MAGI3: variants seen among roughly 807,000 people sequenced by gnomAD.
MAGI3 encodes the protein membrane associated guanylate kinase, WW and PDZ domain containing 3.
In MAGI3, 43 loss-of-function variants were observed where a neutral mutation model predicts 121.8. The ratio of observed to expected loss-of-function variants is 0.35; its 90% CI spans 0.28 to 0.46. MAGI3 has a LOEUF of 0.46. Among genes scored for constraint, MAGI3 ranks in the 20% least tolerant of loss-of-function variants. The pLI, the probability that MAGI3 is intolerant of heterozygous loss-of-function variation, is 1.00. For synonymous variants in MAGI3, 553 were observed against 639.3 expected (o/e 0.86, Z 2.04); for missense variants, 1,547 against 1,797.3 (o/e 0.86, Z 2.52).
At position 113,653,788 on chromosome 1, in the gene MAGI3, A is replaced by G. The variant is rs1025451052; in HGVS notation, c.2441-42A>G. The G allele has an allele frequency of 3.4e-6, 5 of 1,464,322 alleles. No individual in the cohort carries two copies. The African/African-American group carries it at 5.8e-5, about 17-fold the overall frequency. The allele number at this position is 1,464,322 out of a possible 1,614,324, so 90.7% of individuals were successfully genotyped here. On this transcript the variant is annotated intron_variant, in intron 14 of 20. Transcript: ENST00000307546. ...AAAAACACTTTAGTCACCAGAAATT[A>G]TGATGTTCCAGACATATCAAAACTG... is the stretch of plus-strand genomic sequence containing the variant.
intron 1 of MAGI3, among the ~76,000 whole-genome samples, chr1:113,495,768 A>G (rs1220606227): frequency 6.6e-6 from 1 of 152,190 alleles, no homozygotes; most frequent in East Asian, 1.9e-4. Context: ...TATCCCCAGG[A>G]TCTTAGAGAC....
chr1:113,562,424 T>C (rs1660277541), intron 2 of MAGI3, among the ~76,000 whole-genome samples: 1 of 152,010 alleles, frequency 6.6e-6, no homozygotes, highest in African/African-American at 2.4e-5. Flanking sequence ...TCAGAGATGA[T>C]GACACAAACA....
At position 113,681,346 on chromosome 1, in the gene MAGI3, G is replaced by A; in HGVS notation, c.3328+10G>A. 1 of 1,611,328 alleles carries A rather than the reference G, an allele frequency of 6.2e-7. No individual in the cohort carries two copies. Among genetic ancestry groups the A allele is most frequent in the Non-Finnish European group, 8.5e-7 (1 of 1,179,160 alleles). ...TTGATACCTGACCATGGTAAGTAAA[G>A]TAGCCCACTAGTAGCTGAAAAGTTG... On this transcript the variant is annotated intron_variant, in intron 20 of 20. Coordinates refer to ENST00000307546, the MANE Select transcript of MAGI3 (RefSeq NM_001142782.2).
At chr1:113,475,623 G>T (rs1347256404) in intron 1 of MAGI3, among the ~76,000 whole-genome samples, 1 of 152,074 alleles carries the variant, frequency 6.6e-6, no homozygotes, top group Non-Finnish European at 1.5e-5. Flanking sequence ...GTGCTGCTGG[G>T]TTCAGTTTGT....
At chr1:113,532,977 T>C (rs557593397) in intron 1 of MAGI3, among the ~76,000 whole-genome samples, 1 of 152,328 alleles carries the variant, frequency 6.6e-6, no homozygotes, top group Admixed American at 6.5e-5. Context: ...TCCATTCATT[T>C]TGACCATGAA....
At chr1:113,546,033 A>G (rs1161906111) in intron 1 of MAGI3, among the ~76,000 whole-genome samples, 1 of 152,178 alleles carries the variant, frequency 6.6e-6, no homozygotes, top group East Asian at 1.9e-4. Flanking sequence ...GTAATCCCAC[A>G]GTCAGCTGCC....
chr1:113,671,612 G>A lies in MAGI3; in HGVS notation c.2816-122G>A. 8.4e-6 allele frequency: 7 copies of A among 829,140 alleles called. No homozygotes were observed. The South Asian group carries it at 1.0e-4, about 12-fold the overall frequency. 51.4% of individuals were successfully genotyped at this position (829,140 alleles called of 1,614,324 possible). A position where few individuals can be genotyped will look rare whatever the true frequency, so the allele number is the denominator to read the frequency against. ...GACAGCTGACAATAGTGCTGTTCAT[G>A]CTAAAGCCACTAAAGTCAGTACAGC... On this transcript the variant is annotated intron_variant, in intron 16 of 20. Coordinates refer to ENST00000307546, the MANE Select transcript of MAGI3 (RefSeq NM_001142782.2).
intron 1 of MAGI3, among the ~76,000 whole-genome samples, chr1:113,448,888 G>A (rs1051281046): frequency 3.9e-5 from 6 of 152,156 alleles, no homozygotes; most frequent in African/African-American, 1.2e-4. Flanking sequence ...GAGAGGCGAG[G>A]TGGGCAGATC....
At chr1:113,559,195 A>C (rs1570860324) in intron 2 of MAGI3, among the ~76,000 whole-genome samples, 1 of 152,370 alleles carries the variant, frequency 6.6e-6, no homozygotes, top group East Asian at 1.9e-4. Context: ...TCAAATCCAC[A>C]CATAACCATG....
At chr1:113,610,589 A>G (rs576906190) in intron 6 of MAGI3, among the ~76,000 whole-genome samples, 3 of 152,176 alleles carry the variant, frequency 2.0e-5, no homozygotes, top group East Asian at 3.9e-4. Context: ...CAGATATGAC[A>G]TCCCCCCAGC....
At chr1:113,403,567 G>T (rs1651519095) in intron 1 of MAGI3, 1 of 152,160 alleles carries the variant, frequency 6.6e-6, no homozygotes, top group Non-Finnish European at 1.5e-5. Context: ...CCTTGCAAGA[G>T]AGTACAGCCA....
intron 1 of MAGI3, among the ~76,000 whole-genome samples, chr1:113,497,356 G>A (rs1434659118): frequency 1.7e-5 from 2 of 117,552 alleles, no homozygotes; most frequent in African/African-American, 6.0e-5. Context: ...GTGTGTGTGC[G>A]CACCGTGCGC....
At chr1:113,420,982 C>T (rs776234917) in intron 1 of MAGI3, among the ~76,000 whole-genome samples, 28 of 151,798 alleles carry the variant, frequency 1.8e-4, no homozygotes, top group Admixed American at 3.9e-4. Context: ...TTTCTCCATA[C>T]GTTTTTAATG....
At chr1:113,395,087 G>GGT (rs544346451) in intron 1 of MAGI3, among the ~76,000 whole-genome samples, 10 of 33,244 alleles carry the variant, frequency 3.0e-4, no homozygotes, top group Non-Finnish European at 4.6e-4. Context: ...CTTTTTGTTA[G>GGT]TTTTTTTTTT....
At chr1:113,636,784 G>A (rs907474258) in intron 9 of MAGI3, among the ~76,000 whole-genome samples, 2 of 151,720 alleles carry the variant, frequency 1.3e-5, no homozygotes, top group Non-Finnish European at 2.9e-5. Flanking sequence ...GGATATCCTT[G>A]TTGACTTTCT....
chr1:113,511,199 C>A (rs1325042150), intron 1 of MAGI3, among the ~76,000 whole-genome samples: 1 of 152,074 alleles, frequency 6.6e-6, no homozygotes, highest in Non-Finnish European at 1.5e-5. Context: ...ACCTTTTTCC[C>A]CTATCACATT....
intron 1 of MAGI3, among the ~76,000 whole-genome samples, chr1:113,524,160 G>A (rs530557650): frequency 6.6e-6 from 1 of 152,332 alleles, no homozygotes. Flanking sequence ...AGGATTTATG[G>A]AAATGCTTGG....
chr1:113,652,478 T>C lies in MAGI3; in HGVS notation c.2440+1272T>C, dbSNP rs541759758. Reference sequence around the variant, plus strand: ...GTAAATACCAGGCATTTAGAATGCATATAGATTGTAATGCAGTACTGCCTC... The same window carrying C: ...GTAAATACCAGGCATTTAGAATGCACATAGATTGTAATGCAGTACTGCCTC... On this transcript the variant is annotated intron_variant, in intron 14 of 20. Coordinates refer to ENST00000307546, the MANE Select transcript of MAGI3 (RefSeq NM_001142782.2). Among the ~76,000 whole-genome samples the C allele has an allele frequency of 2.6e-4, 39 of 152,280 alleles. 1 individual carries two copies. Among genetic ancestry groups the C allele is most frequent in the African/African-American group, 9.4e-4 (39 of 41,562 alleles).
In MAGI3 at chr1:113,580,543, C is replaced by A; in HGVS notation, c.435C>A (p.Cys145Ter). The A allele has an allele frequency of 6.3e-7, 1 of 1,594,892 alleles. No individual in the cohort carries two copies. Among genetic ancestry groups the A allele is most frequent in the African/African-American group, 1.4e-5 (1 of 73,336 alleles). ...RDNLYLRTIPCTTRAPRDGEV... is the reference protein window; with the variant it reads ...RDNLYLRTIP ...ACTTTTTTTTTTCTTTTTTCTTAGG[C>A]ACTACAAGGGCCCCCAGGGATGGAG... The change falls in exon 3 of 21, where the codon TGC becomes TGA. Residue 145 changes from cysteine (C) to a stop codon, truncating the protein, a stop_gained and splice_region_variant. Transcript: ENST00000307546. LOFTEE classifies it high-confidence loss of function.
Sources: gnomAD v4.1 joint callset for allele counts (sites outside exome capture counted in the v4.1 genomes callset) on GRCh38, gnomAD v4.1.1 for gene constraint, MANE v1.5 for transcripts, NCBI Gene and HGNC (gene_info 2026-07-23, HGNC 2026-07-21) for gene names.